Variants in SAMMSON observed in about 807,000 individuals in gnomAD.
SAMMSON encodes survival associated mitochondrial melanoma specific oncogenic non-coding RNA.
At chr3:70,251,323 A>C (rs75685958) in intron 6 of SAMMSON, among the ~76,000 whole-genome samples, 1 of 152,148 alleles carries the variant, frequency 6.6e-6, no homozygotes, top group Non-Finnish European at 1.5e-5. Flanking sequence ...TGCAGTCTTC[A>C]GTCTTCATTT....
At chr3:70,345,134 T>C (rs1702740954) in intron 7 of SAMMSON, among the ~76,000 whole-genome samples, 1 of 152,150 alleles carries the variant, frequency 6.6e-6, no homozygotes, top group Non-Finnish European at 1.5e-5. Context: ...TCTAATCCAT[T>C]ACCACAGAGA....
At chr3:70,086,874 C>T (rs2067287334) in intron 4 of SAMMSON, among the ~76,000 whole-genome samples, 1 of 152,148 alleles carries the variant, frequency 6.6e-6, no homozygotes, top group East Asian at 1.9e-4. Flanking sequence ...ATTTAATCCC[C>T]ATGACAATCC....
At chr3:70,206,064 A>T (rs558723416) in intron 4 of SAMMSON, 1 of 152,020 alleles carries the variant, frequency 6.6e-6, no homozygotes, top group Non-Finnish European at 1.5e-5. Flanking sequence ...ACTGATCAGG[A>T]TGCCTATGGA....
chr3:70,382,754 A>T (rs919017714), intron 9 of SAMMSON, among the ~76,000 whole-genome samples: 1 of 152,110 alleles, frequency 6.6e-6, no homozygotes, highest in Non-Finnish European at 1.5e-5. Context: ...TCTTAGCTGT[A>T]AAGTTTTATT....
At chr3:70,362,217 A>G (rs1217426296) in intron 9 of SAMMSON, among the ~76,000 whole-genome samples, 1 of 152,180 alleles carries the variant, frequency 6.6e-6, no homozygotes, top group Non-Finnish European at 1.5e-5. Context: ...TTTCTTTTGT[A>G]TCAAACATTT....
chr3:70,316,052 T>C (rs1702492011), intron 7 of SAMMSON, among the ~76,000 whole-genome samples: 1 of 152,148 alleles, frequency 6.6e-6, no homozygotes, highest in African/African-American at 2.4e-5. Context: ...TATAATTCTG[T>C]TCCCTTTATT....
intron 1 of SAMMSON, among the ~76,000 whole-genome samples, chr3:70,010,915 C>T (rs148003834): frequency 2.0e-5 from 3 of 152,140 alleles, no homozygotes; most frequent in African/African-American, 4.8e-5. Flanking sequence ...CACTGACTAT[C>T]GTGAGAACAG....
chr3:70,197,899 T>C (rs1343951009), intron 4 of SAMMSON, among the ~76,000 whole-genome samples: 3 of 152,200 alleles, frequency 2.0e-5, no homozygotes, highest in African/African-American at 4.8e-5. Flanking sequence ...AAAAATTTAC[T>C]ACACAGGCTT....
At chr3:70,412,809 T>C (rs1701230426) in intron 2 of SAMMSON, among the ~76,000 whole-genome samples, 1 of 152,154 alleles carries the variant, frequency 6.6e-6, no homozygotes, top group Non-Finnish European at 1.5e-5. Flanking sequence ...AGGCTAAAGT[T>C]GTTCTTAAGA....
intron 7 of SAMMSON, among the ~76,000 whole-genome samples, chr3:70,313,438 A>G (rs1052006350): frequency 1.2e-4 from 18 of 151,656 alleles, no homozygotes; most frequent in Non-Finnish European, 1.9e-4. Flanking sequence ...TGATTGTGCC[A>G]TTGCACTTCA....
At chr3:70,020,500 C>A (rs1229227863) in intron 3 of SAMMSON, among the ~76,000 whole-genome samples, 1 of 152,120 alleles carries the variant, frequency 6.6e-6, no homozygotes, top group African/African-American at 2.4e-5. Flanking sequence ...ATCAACAGAA[C>A]CAGGCCTGGC....
intron 4 of SAMMSON, among the ~76,000 whole-genome samples, chr3:70,200,956 C>CT (rs1160500237): frequency 1.4e-4 from 11 of 80,724 alleles, no homozygotes; most frequent in Admixed American, 7.8e-4. Context: ...GCCCTCTATA[C>CT]TTTTTTTGGG....
At position 70,257,255 on chromosome 3, in the gene SAMMSON, C is replaced by G. The variant is rs1701825663; in HGVS notation, n.674+7585C>G. Reference sequence around the variant, plus strand: ...CCCCATTCCTTAAAACCTGGCACATCTGGCCATTCAAAAAAGTTCAAGAAT... The same window carrying G: ...CCCCATTCCTTAAAACCTGGCACATGTGGCCATTCAAAAAAGTTCAAGAAT... On this transcript the variant is annotated intron_variant and non_coding_transcript_variant, in intron 6 of 9. Transcript: ENST00000642114. Among the ~76,000 whole-genome samples the G allele has an allele frequency of 2.6e-5, 4 of 152,158 alleles. No individual in the cohort carries two copies. The South Asian group carries it at 8.3e-4, about 32-fold the overall frequency.
At chr3:70,401,842 T>C (rs1701144005) in intron 2 of SAMMSON, among the ~76,000 whole-genome samples, 1 of 152,212 alleles carries the variant, frequency 6.6e-6, no homozygotes, top group African/African-American at 2.4e-5. Flanking sequence ...AAATATTTTA[T>C]TTTGCTTTTT....
At chr3:70,209,110 T>A (rs1194962788) in intron 4 of SAMMSON, among the ~76,000 whole-genome samples, 1 of 152,080 alleles carries the variant, frequency 6.6e-6, no homozygotes, top group African/African-American at 2.4e-5. Flanking sequence ...TACTTGGGTA[T>A]CAAGGCATCC....
intron 4 of SAMMSON, among the ~76,000 whole-genome samples, chr3:70,095,522 C>T (rs1003679388): frequency 7.2e-5 from 11 of 152,096 alleles, no homozygotes; most frequent in Admixed American, 6.6e-4. Flanking sequence ...CTTTGTAGGA[C>T]TCGTCGTGTT....
At chr3:70,151,488 T>A (rs2067571766) in intron 4 of SAMMSON, among the ~76,000 whole-genome samples, 1 of 152,200 alleles carries the variant, frequency 6.6e-6, no homozygotes, top group African/African-American at 2.4e-5. Flanking sequence ...CAAGTTGAGA[T>A]GCTATAAGGC....
At chr3:70,076,377 C>G (rs1193390337) in intron 4 of SAMMSON, among the ~76,000 whole-genome samples, 1 of 152,120 alleles carries the variant, frequency 6.6e-6, no homozygotes, top group Non-Finnish European at 1.5e-5. Flanking sequence ...AGTTTTGGAA[C>G]AAAACAGTAT....
At chr3:70,225,803 A>C (rs562613768) in intron 4 of SAMMSON, among the ~76,000 whole-genome samples, 23 of 152,342 alleles carry the variant, frequency 1.5e-4, no homozygotes, top group African/African-American at 5.5e-4. Context: ...TTAAAGATAC[A>C]TGGTGGTGCC....
Sources: gnomAD v4.1 joint callset for allele counts (sites outside exome capture counted in the v4.1 genomes callset) on GRCh38, gnomAD v4.1.1 for gene constraint, MANE v1.5 for transcripts, NCBI Gene and HGNC (gene_info 2026-07-23, HGNC 2026-07-21) for gene names.